LRFN5: variants seen among roughly 807,000 people sequenced by gnomAD.
The protein encoded by LRFN5 is leucine rich repeat and fibronectin type III domain containing 5.
A neutral mutation model predicts 45.6 loss-of-function variants in LRFN5; 24 were observed. That is an observed-to-expected ratio of 0.53 (90% CI 0.38 to 0.74). The LOEUF (loss-of-function observed/expected upper bound fraction) is 0.74, where lower values mean the gene tolerates loss of function less well. Ranked by LOEUF, LRFN5 falls within the 30% of genes least tolerant of loss-of-function variation. The probability of loss-of-function intolerance (pLI) is 0.00; values close to 1 mark genes in which losing one functional copy is unlikely to be tolerated. For missense variants in LRFN5, 776 were observed against 861.5 expected (o/e 0.90, Z 1.24); for synonymous variants, 340 against 313.8 (o/e 1.08, Z -0.88).
intron 1 of LRFN5, among the ~76,000 whole-genome samples, chr14:41,648,627 A>C (rs1271574222): frequency 6.6e-6 from 1 of 152,166 alleles, no homozygotes; most frequent in East Asian, 1.9e-4. Flanking sequence ...GAAATTTAAT[A>C]AAACAAATAA....
intron 1 of LRFN5, among the ~76,000 whole-genome samples, chr14:41,765,760 T>C (rs1885860248): frequency 6.6e-6 from 1 of 152,180 alleles, no homozygotes; most frequent in Non-Finnish European, 1.5e-5. Context: ...GATAAATAAT[T>C]GAAATATATA....
chr14:41,836,251 G>A (rs191588144), intron 2 of LRFN5, among the ~76,000 whole-genome samples: 24 of 152,074 alleles, frequency 1.6e-4, no homozygotes, highest in African/African-American at 5.6e-4. Flanking sequence ...TGGAAAAATG[G>A]GCAAGTATTC....
At chr14:41,744,864 T>C (rs946155862) in intron 1 of LRFN5, among the ~76,000 whole-genome samples, 32 of 152,230 alleles carry the variant, frequency 2.1e-4, no homozygotes, top group African/African-American at 7.2e-4. Flanking sequence ...TTTAAACATT[T>C]ACACGTAGTA....
chr14:41,904,066 T>C (rs957939061), intron 5 of LRFN5, 92 bp from the exon 6 acceptor site: 1 of 1,121,088 alleles, frequency 8.9e-7, no homozygotes, highest in Non-Finnish European at 1.3e-6. Flanking sequence ...TAGTTACTTT[T>C]AGATTGCTAG....
chr14:41,700,476 A>G (rs535991086), intron 1 of LRFN5: 9 of 152,252 alleles, frequency 5.9e-5, no homozygotes, highest in Admixed American at 4.6e-4. Flanking sequence ...ATGATCATCA[A>G]TAGCATGAAG....
At chr14:41,677,296 T>C (rs1002636731) in intron 1 of LRFN5, among the ~76,000 whole-genome samples, 3 of 152,076 alleles carry the variant, frequency 2.0e-5, no homozygotes, top group Admixed American at 1.3e-4. Flanking sequence ...GTCACTACAA[T>C]CTATTAGCAA....
At chr14:41,772,186 C>T (rs1019886612) in intron 2 of LRFN5, among the ~76,000 whole-genome samples, 1 of 152,112 alleles carries the variant, frequency 6.6e-6, no homozygotes, top group Admixed American at 6.5e-5. Flanking sequence ...TCACTCATCA[C>T]CAAGGAGATA....
chr14:41,721,275 G>C (rs1357191661), intron 1 of LRFN5, among the ~76,000 whole-genome samples: 1 of 152,122 alleles, frequency 6.6e-6, no homozygotes, highest in Non-Finnish European at 1.5e-5. Context: ...TTGTGTGTGA[G>C]ATGGGTTTCT....
chr14:41,886,862 C>T lies in LRFN5; in HGVS notation c.237C>T (p.Asp79=), dbSNP rs759340509. ...TTGCCAATATGACCAGCTTGGTGGACCTGACTCTATCCAGGAATACAATAA... is the reference window on the plus strand; with the variant it reads ...TTGCCAATATGACCAGCTTGGTGGATCTGACTCTATCCAGGAATACAATAA... ...KDFANMTSLV[D]LTLSRNTISF... The change falls in exon 3 of 6, where the codon GAC becomes GAT. Residue 79 remains aspartate, a synonymous_variant. Coordinates refer to ENST00000298119, the MANE Select transcript of LRFN5 (RefSeq NM_152447.5). 2.7e-5 allele frequency: 44 copies of T among 1,614,100 alleles called. No homozygotes were observed. Among genetic ancestry groups the T allele is most frequent in the Middle Eastern group, 3.3e-4 (2 of 6,062 alleles).
intron 1 of LRFN5, among the ~76,000 whole-genome samples, chr14:41,613,051 A>G (rs1313262730): frequency 2.0e-5 from 3 of 152,240 alleles, no homozygotes; most frequent in East Asian, 1.9e-4. Flanking sequence ...AAAAATTACA[A>G]TGGAATTACA....
chr14:41,807,255 G>A lies in LRFN5; in HGVS notation c.-21+40226G>A, dbSNP rs541409025. 2.0e-5 allele frequency among the ~76,000 whole-genome samples: 3 copies of A among 152,044 alleles called. No individual in the cohort carries two copies. The East Asian group carries it at 5.8e-4, about 29-fold the overall frequency. On this transcript the variant is annotated intron_variant, in intron 2 of 5. Transcript: ENST00000298119. ...AAATATGAACTGGTTAGAATTGCCAGTTAGTTTAAAAGTAAAACTTTTTTT... is the reference window on the plus strand; with the variant it reads ...AAATATGAACTGGTTAGAATTGCCAATTAGTTTAAAAGTAAAACTTTTTTT...
chr14:41,639,153 T>C (rs1319720914), intron 1 of LRFN5, among the ~76,000 whole-genome samples: 2 of 152,196 alleles, frequency 1.3e-5, no homozygotes, highest in Admixed American at 6.6e-5. Flanking sequence ...TATATATTAC[T>C]AAAGACAGGG....
At chr14:41,819,959 G>GT (rs71105404) in intron 2 of LRFN5, among the ~76,000 whole-genome samples, 41,352 of 147,704 alleles carry the variant, frequency 0.28, 6,702 homozygotes, top group East Asian at 0.7. Context: ...AGGGTTATTT[G>GT]TTTTTTTTTT....
At chr14:41,720,241 T>C (rs1440857777) in intron 1 of LRFN5, among the ~76,000 whole-genome samples, 3 of 152,130 alleles carry the variant, frequency 2.0e-5, no homozygotes, top group African/African-American at 7.2e-5. Flanking sequence ...GGTATCTAGC[T>C]CCATTCATGT....
At chr14:41,756,945 T>A (rs1013889307) in intron 1 of LRFN5, among the ~76,000 whole-genome samples, 1 of 152,280 alleles carries the variant, frequency 6.6e-6, no homozygotes, top group East Asian at 1.9e-4. Context: ...GGTGTGGGTG[T>A]CCTTTCTGTT....
intron 1 of LRFN5, among the ~76,000 whole-genome samples, chr14:41,653,867 G>A (rs1880248373): frequency 6.6e-6 from 1 of 152,078 alleles, no homozygotes; most frequent in Non-Finnish European, 1.5e-5. Flanking sequence ...GCTGACAGGA[G>A]TAACAGGTTA....
chr14:41,781,580 GA>G (rs1225905426), intron 2 of LRFN5, among the ~76,000 whole-genome samples: 1 of 92,930 alleles, frequency 1.1e-5, no homozygotes, highest in Non-Finnish European at 2.1e-5. Flanking sequence ...AAGAAAGAAA[GA>G]AAGAAAGAAA....
At chr14:41,786,572 T>C (rs893155263) in intron 2 of LRFN5, among the ~76,000 whole-genome samples, 5 of 151,536 alleles carry the variant, frequency 3.3e-5, no homozygotes, top group East Asian at 1.9e-4. Flanking sequence ...AAGTTCGTTG[T>C]ACTATGGCTT....
chr14:41,820,768 C>T (rs1888086116), intron 2 of LRFN5, among the ~76,000 whole-genome samples: 1 of 151,826 alleles, frequency 6.6e-6, no homozygotes, highest in Non-Finnish European at 1.5e-5. Context: ...TGCTTTTTGA[C>T]TTGTTTGTAT....
Sources: allele counts gnomAD v4.1 joint callset (sites outside exome capture counted in the v4.1 genomes callset), GRCh38; gene constraint gnomAD v4.1.1; transcripts MANE v1.5; gene names NCBI Gene and HGNC (gene_info 2026-07-23, HGNC 2026-07-21).